PPM1L: variants seen among roughly 807,000 people sequenced by gnomAD.
PPM1L encodes the protein protein phosphatase 1L.
Under a neutral mutation model 31.4 loss-of-function variants are expected in PPM1L, and 13 were observed. The ratio of observed to expected loss-of-function variants is 0.41; its 90% CI spans 0.27 to 0.66. The LOEUF is 0.66. PPM1L is among the 30% of genes least tolerant of loss of function. The pLI is 0.29. For missense variants in PPM1L, 326 were observed against 453.7 expected, an observed-to-expected ratio of 0.72 and a Z score of 2.56; for synonymous variants, 184 against 175.4, an observed-to-expected ratio of 1.05 and a Z score of -0.39.
At chr3:160,839,005 A>T (rs1056359703) in intron 1 of PPM1L, among the ~76,000 whole-genome samples, 1 of 151,878 alleles carries the variant, frequency 6.6e-6, no homozygotes, top group Non-Finnish European at 1.5e-5. Context: ...TGGGACTGGT[A>T]GCTTTATAAG....
In PPM1L at chr3:160,881,199, C is replaced by T. The variant is rs116227586; in HGVS notation, c.400-80537C>T. ...TATTATGCTGCAAAGATTTTAACTA[C>T]GGGGCTTGGGAAATAATCTCAATGT... On this transcript the variant is annotated intron_variant, in intron 1 of 3. Coordinates refer to ENST00000498165, the MANE Select transcript of PPM1L (RefSeq NM_139245.4). Among the ~76,000 whole-genome samples, 1,106 of 152,230 alleles carry T rather than the reference C, an allele frequency of 7.3e-3. 15 individuals carry two copies. The highest frequency in any genetic ancestry group is 0.025 in the African/African-American group (1,044 of 41,532).
At chr3:160,911,975 G>A (rs1713989967) in intron 1 of PPM1L, among the ~76,000 whole-genome samples, 1 of 152,182 alleles carries the variant, frequency 6.6e-6, no homozygotes, top group Admixed American at 6.5e-5. Context: ...AGAGAAGCTG[G>A]TAGAAAAGGC....
Position 160,961,743 on chromosome 3 carries a change from C to G in PPM1L, c.407C>G (p.Ala136Gly). 2 of 1,578,722 alleles carry G rather than the reference C, an allele frequency of 1.3e-6. No individual in the cohort carries two copies. The highest frequency in any genetic ancestry group is 4.6e-5 in the East Asian group (2 of 43,040). ...IFDGHGGETAAEYVKSRLPEA... is the reference protein window; with the variant it reads ...IFDGHGGETAGEYVKSRLPEA... ...TGACTGTTTTATCTGCAGACTGCAG[C>G]TGAATATGTAAAATCTCGACTCCCA... Residue 136 changes from alanine (A) to glycine (G), a missense_variant, in exon 2 of 4, where the codon GCT (alanine) becomes GGT (glycine). Ala to Gly is a moderately conservative substitution (Grantham distance 60). This residue lies in a region of PPM1L where 201 missense variants were observed against 298.2 expected (regional missense o/e 0.67). Transcript: ENST00000498165.
rs368768376 is a variant in PPM1L, at chr3:161,074,276, T to C, written c.*5119T>C. On this transcript the variant is annotated 3_prime_UTR_variant, in exon 4 of 4. Transcript: ENST00000498165. ...CATGTTTTATGTACATAGTTAAGTT[T>C]GGCATGTTATCTCTTGCCTAAAATG... 6 of 152,340 alleles carry C rather than the reference T, an allele frequency of 3.9e-5. No individual in the cohort carries two copies. The East Asian group carries it at 1.2e-3, about 29-fold the overall frequency. The allele number at this position is 152,340 out of a possible 1,614,324, so 9.4% of individuals were successfully genotyped here.
At chr3:160,985,216 G>A (rs1174267473) in intron 2 of PPM1L, among the ~76,000 whole-genome samples, 1 of 151,972 alleles carries the variant, frequency 6.6e-6, no homozygotes, top group African/African-American at 2.4e-5. Flanking sequence ...ATGGTGTTTT[G>A]TTACATGGTG....
chr3:160,763,710 T>C (rs75843487), intron 1 of PPM1L, among the ~76,000 whole-genome samples: 2,548 of 152,298 alleles, frequency 0.017, 65 homozygotes, highest in African/African-American at 0.057. Flanking sequence ...AGTAATCCTG[T>C]TCCTCCAAAC....
chr3:161,007,893 G>C (rs1717764896), intron 2 of PPM1L, among the ~76,000 whole-genome samples: 1 of 152,134 alleles, frequency 6.6e-6, no homozygotes, highest in South Asian at 2.1e-4. Flanking sequence ...GATAGAAGTA[G>C]AAAGATGAGT....
chr3:160,902,355 C>G (rs539169717), intron 1 of PPM1L, among the ~76,000 whole-genome samples: 22 of 152,220 alleles, frequency 1.4e-4, no homozygotes, highest in Non-Finnish European at 3.1e-4. Context: ...AATTCATTTT[C>G]ATCTAAAGGA....
At chr3:160,865,025 G>A (rs533985906) in intron 1 of PPM1L, among the ~76,000 whole-genome samples, 12 of 152,090 alleles carry the variant, frequency 7.9e-5, no homozygotes, top group African/African-American at 2.4e-4. Context: ...AACAAGAAAT[G>A]GTTTTTGAAA....
chr3:160,827,399 A>AT (rs753325529), intron 1 of PPM1L, among the ~76,000 whole-genome samples: 15 of 150,992 alleles, frequency 9.9e-5, no homozygotes, highest in Admixed American at 3.3e-4. Flanking sequence ...TAGGGGTGGC[A>AT]TGCGTTGATT....
intron 2 of PPM1L, among the ~76,000 whole-genome samples, chr3:160,976,792 C>G (rs1716601143): frequency 6.6e-6 from 1 of 152,092 alleles, no homozygotes; most frequent in African/African-American, 2.4e-5. Context: ...TGCTAGCGGT[C>G]TATCAGTTTT....
At chr3:160,966,239 G>T (rs1716139169) in intron 2 of PPM1L, among the ~76,000 whole-genome samples, 1 of 151,878 alleles carries the variant, frequency 6.6e-6, no homozygotes, top group South Asian at 2.1e-4. Context: ...TTTCCAATGT[G>T]GTATTTCCTT....
intron 1 of PPM1L, among the ~76,000 whole-genome samples, chr3:160,947,982 C>CCACCCAAAA: frequency 6.6e-6 from 1 of 152,176 alleles, no homozygotes; most frequent in African/African-American, 2.4e-5. Flanking sequence ...CCACTGAACT[C>CCACCCAAAA]CTTACATCAC....
chr3:160,774,904 C>T (rs946785102), intron 1 of PPM1L, among the ~76,000 whole-genome samples: 1 of 152,170 alleles, frequency 6.6e-6, no homozygotes, highest in Admixed American at 6.5e-5. Flanking sequence ...AGTTTCACAT[C>T]TCTATTGTGT....
At chr3:160,962,907 C>A (rs934084489) in intron 2 of PPM1L, among the ~76,000 whole-genome samples, 1 of 151,956 alleles carries the variant, frequency 6.6e-6, no homozygotes, top group East Asian at 1.9e-4. Flanking sequence ...CCTTCACCTC[C>A]CTCTCAAGCA....
chr3:160,956,337 C>T (rs908363987), intron 1 of PPM1L, among the ~76,000 whole-genome samples: 15 of 152,134 alleles, frequency 9.9e-5, no homozygotes, highest in Non-Finnish European at 1.3e-4. Context: ...TAGCTGTTGC[C>T]GAAGTCATCA....
At chr3:161,066,660 T>C (rs996652196) in intron 3 of PPM1L, among the ~76,000 whole-genome samples, 10 of 152,202 alleles carry the variant, frequency 6.6e-5, no homozygotes, top group Non-Finnish European at 1.5e-5. Context: ...ATGTATGCTC[T>C]TCATGATGTG....
intron 2 of PPM1L, among the ~76,000 whole-genome samples, chr3:161,011,200 G>T (rs1387783863): frequency 6.6e-6 from 1 of 152,196 alleles, no homozygotes; most frequent in Non-Finnish European, 1.5e-5. Context: ...TGTATAAGGT[G>T]TAAGGAAGGT....
chr3:161,032,250 G>A (rs1370268252), intron 2 of PPM1L, among the ~76,000 whole-genome samples: 3 of 152,146 alleles, frequency 2.0e-5, no homozygotes, highest in African/African-American at 4.8e-5. Flanking sequence ...TTCAAAGAGC[G>A]ATCCTACCCT....
Sources: allele counts gnomAD v4.1 joint callset (sites outside exome capture counted in the v4.1 genomes callset), GRCh38; gene constraint gnomAD v4.1.1; regional missense constraint gnomAD v4.1.1; transcripts MANE v1.5; gene names NCBI Gene and HGNC (gene_info 2026-07-23, HGNC 2026-07-21).